The following CENPP variants were observed in gnomAD, a reference collection of about 807,000 sequenced individuals.
CENPP encodes the protein centromere protein P.
A neutral mutation model predicts 35.6 loss-of-function variants in CENPP; 24 were observed. The observed-to-expected ratio is 0.67, with a 90% CI of 0.49 to 0.95. The LOEUF is 0.95. Ranked by LOEUF, CENPP falls within the 40% of genes least tolerant of loss-of-function variation. The pLI, the probability that CENPP is intolerant of heterozygous loss-of-function variation, is 0.00. For missense variants in CENPP, 332 were observed against 345.3 expected, an observed-to-expected ratio of 0.96 and a Z score of 0.31; for synonymous variants, 120 against 125.5, an observed-to-expected ratio of 0.96 and a Z score of 0.29.
intron 5 of CENPP, among the ~76,000 whole-genome samples, chr9:92,483,651 C>A (rs1417308215): frequency 6.6e-6 from 1 of 152,180 alleles, no homozygotes; most frequent in East Asian, 1.9e-4. Context: ...GTTAGAAGAC[C>A]TGTTCTCTAC....
chr9:92,499,135 C>T (rs1178502804), intron 5 of CENPP, among the ~76,000 whole-genome samples: 1 of 152,188 alleles, frequency 6.6e-6, no homozygotes, highest in African/African-American at 2.4e-5. Flanking sequence ...ACACAAGAGC[C>T]AGTTTGAATG....
At chr9:92,374,587 C>G (rs1842084213) in intron 4 of CENPP, among the ~76,000 whole-genome samples, 1 of 152,144 alleles carries the variant, frequency 6.6e-6, no homozygotes, top group Non-Finnish European at 1.5e-5. Context: ...TAATAATTTG[C>G]AAAAACTCTG....
chr9:92,528,381 A>C (rs538452110), intron 5 of CENPP, among the ~76,000 whole-genome samples: 1 of 142,600 alleles, frequency 7.0e-6, no homozygotes, highest in Non-Finnish European at 1.6e-5. Context: ...AGGACACCAA[A>C]GAGACTAGTG....
At chr9:92,555,429 A>C (rs1305198201) in intron 5 of CENPP, among the ~76,000 whole-genome samples, 1 of 151,342 alleles carries the variant, frequency 6.6e-6, no homozygotes, top group East Asian at 1.9e-4. Context: ...GGATTTCACC[A>C]TGTTAGCCAG....
intron 5 of CENPP, among the ~76,000 whole-genome samples, chr9:92,406,077 G>A (rs1365184311): frequency 6.6e-6 from 1 of 152,170 alleles, no homozygotes; most frequent in African/African-American, 2.4e-5. Flanking sequence ...GAGTCAAGGA[G>A]ACTGCACCCA....
intron 5 of CENPP, chr9:92,493,973 G>T: frequency 9.9e-7 from 1 of 1,013,554 alleles, no homozygotes; most frequent in Non-Finnish European, 1.4e-6. Context: ...GGTGGCCGTA[G>T]TCTCCTGGCG....
intron 5 of CENPP, chr9:92,474,797 A>G (rs375376579): frequency 7.7e-5 from 124 of 1,604,376 alleles, no homozygotes; most frequent in Non-Finnish European, 9.0e-5. Context: ...TGTGTCTTCC[A>G]TATCCTTCAG....
chr9:92,574,050 G>C (rs957556234), intron 5 of CENPP, among the ~76,000 whole-genome samples: 1 of 152,154 alleles, frequency 6.6e-6, no homozygotes, highest in African/African-American at 2.4e-5. Flanking sequence ...CACTTACCAG[G>C]TGAGGCGATG....
chr9:92,443,489 G>C (rs1162315471), intron 5 of CENPP, among the ~76,000 whole-genome samples: 1 of 152,076 alleles, frequency 6.6e-6, no homozygotes, highest in Non-Finnish European at 1.5e-5. Flanking sequence ...TAAGATGCCA[G>C]TTCTCTCCAA....
intron 5 of CENPP, among the ~76,000 whole-genome samples, chr9:92,538,493 TACAA>T (rs752396612): frequency 6.6e-5 from 10 of 152,142 alleles, no homozygotes; most frequent in South Asian, 4.1e-4. Context: ...TTAAAAAGAA[TACAA>T]ACAATCAAAA....
chr9:92,418,080 T>C (rs1843672353), intron 5 of CENPP, among the ~76,000 whole-genome samples: 1 of 150,582 alleles, frequency 6.6e-6, no homozygotes, highest in South Asian at 2.2e-4. Context: ...TTTTCTTTTT[T>C]CTTTTTCTTT....
intron 5 of CENPP, among the ~76,000 whole-genome samples, chr9:92,590,259 T>C (rs553505334): frequency 2.3e-4 from 35 of 152,374 alleles, no homozygotes; most frequent in African/African-American, 7.7e-4. Context: ...ACTTTAACTT[T>C]AGTTTCTTCT....
chr9:92,540,475 TAAAATA>T (rs1849292535), intron 5 of CENPP, among the ~76,000 whole-genome samples: 1 of 148,386 alleles, frequency 6.7e-6, no homozygotes, highest in Admixed American at 6.7e-5. Context: ...AAAAACATCT[TAAAATA>T]ATCAATGAAG....
At chr9:92,344,908 C>T (rs1432747321) in intron 3 of CENPP, among the ~76,000 whole-genome samples, 8 of 151,286 alleles carry the variant, frequency 5.3e-5, no homozygotes, top group Non-Finnish European at 1.0e-4. Flanking sequence ...GTGGCTCCCG[C>T]CTGTAATCCC....
At chr9:92,483,925 G>A (rs535082388) in intron 5 of CENPP, among the ~76,000 whole-genome samples, 6 of 152,242 alleles carry the variant, frequency 3.9e-5, no homozygotes, top group South Asian at 4.2e-4. Context: ...AGGGAATGAC[G>A]GCCCTCCTGT....
At chr9:92,418,130 A>G (rs1223481820) in intron 5 of CENPP, among the ~76,000 whole-genome samples, 2 of 151,334 alleles carry the variant, frequency 1.3e-5, no homozygotes, top group Non-Finnish European at 2.9e-5. Context: ...CTTGTCACCC[A>G]GGGTGGAGTG....
intron 5 of CENPP, among the ~76,000 whole-genome samples, chr9:92,403,031 G>C (rs1347229213): frequency 1.3e-5 from 2 of 151,932 alleles, no homozygotes; most frequent in Non-Finnish European, 2.9e-5. Flanking sequence ...ATACTGTTTG[G>C]TTACCATAGA....
Position 92,328,197 on chromosome 9 carries a change from A to G in CENPP, c.107+2092A>G, listed in dbSNP as rs1205976587. ...CTCAGTGGTTAAATTGGAAAGTCAGAAGAGTCCAGATTGTGGGAGACATTA... is the reference window on the plus strand; with the variant it reads ...CTCAGTGGTTAAATTGGAAAGTCAGGAGAGTCCAGATTGTGGGAGACATTA... On this transcript the variant is annotated intron_variant, in intron 1 of 7. Coordinates refer to ENST00000375587, the MANE Select transcript of CENPP (RefSeq NM_001012267.3). Among the ~76,000 whole-genome samples the G allele has an allele frequency of 3.9e-5, 6 of 152,310 alleles. No individual in the cohort carries two copies. The East Asian group carries it at 1.2e-3, about 29-fold the overall frequency.
At chr9:92,334,564 T>C (rs1290837882) in intron 2 of CENPP, among the ~76,000 whole-genome samples, 3 of 152,152 alleles carry the variant, frequency 2.0e-5, no homozygotes, top group African/African-American at 7.2e-5. Flanking sequence ...TTGTTAAAAA[T>C]GCACCCTTAC....
Sources: gnomAD v4.1 joint callset for allele counts (sites outside exome capture counted in the v4.1 genomes callset) on GRCh38, gnomAD v4.1.1 for gene constraint, MANE v1.5 for transcripts, NCBI Gene and HGNC (gene_info 2026-07-23, HGNC 2026-07-21) for gene names.